The following ADGRV1 variants were observed in gnomAD, a reference collection of about 807,000 sequenced individuals.
ADGRV1 encodes the protein G-protein coupled receptor 98.
A neutral mutation model predicts 596.2 loss-of-function variants in ADGRV1; 359 were observed. The observed-to-expected ratio is 0.60, with a 90% CI of 0.55 to 0.66. The LOEUF is 0.66. Among genes scored for constraint, ADGRV1 ranks in the 30% least tolerant of loss-of-function variants. The probability of loss-of-function intolerance (pLI) is 0.00; values close to 1 mark genes in which losing one functional copy is unlikely to be tolerated. For missense variants in ADGRV1, 7,274 were observed against 7,575.6 expected (o/e 0.96, Z 1.48); for synonymous variants, 2,681 against 2,679.2 (o/e 1.00, Z -0.02).
chr5:90,750,419 G>C, intron 52 of ADGRV1, 132 bp from the exon 53 acceptor site: 1 of 612,298 alleles, frequency 1.6e-6, no homozygotes, highest in Non-Finnish European at 2.8e-6. Context: ...TTTTTTAATT[G>C]TCGTTTTCAC....
At chr5:90,682,165 A>T (rs1197018505) in intron 27 of ADGRV1, among the ~76,000 whole-genome samples, 1 of 152,252 alleles carries the variant, frequency 6.6e-6, no homozygotes, top group African/African-American at 2.4e-5. Context: ...CGTAGTATGT[A>T]TATGTCCAAC....
intron 85 of ADGRV1, among the ~76,000 whole-genome samples, chr5:91,057,858 G>A (rs528637598): frequency 2.0e-5 from 3 of 152,198 alleles, no homozygotes; most frequent in East Asian, 1.9e-4. Context: ...TTGATGTGTG[G>A]TGTCTTTGAA....
At chr5:90,566,936 A>G (rs1357042932) in intron 1 of ADGRV1, among the ~76,000 whole-genome samples, 2 of 152,110 alleles carry the variant, frequency 1.3e-5, no homozygotes, top group African/African-American at 4.8e-5. Context: ...ATTAAGTATG[A>G]TGTGGATACC....
chr5:90,923,899 C>G (rs1007589848), intron 83 of ADGRV1, among the ~76,000 whole-genome samples: 1 of 151,034 alleles, frequency 6.6e-6, no homozygotes, highest in African/African-American at 2.4e-5. Flanking sequence ...TTTGTTCTTG[C>G]GATAGTTTAC....
At chr5:90,767,227 G>T (rs1193727904) in intron 59 of ADGRV1, among the ~76,000 whole-genome samples, 1 of 152,144 alleles carries the variant, frequency 6.6e-6, no homozygotes, top group Non-Finnish European at 1.5e-5. Flanking sequence ...TGAACAAACA[G>T]GCCAGAGAGA....
chr5:90,710,967 C>CT lies in ADGRV1; in HGVS notation c.8825-13dup. On this transcript the variant is annotated splice_polypyrimidine_tract_variant and intron_variant, in intron 39 of 89. Coordinates refer to ENST00000405460, the MANE Select transcript of ADGRV1 (RefSeq NM_032119.4). The stretch of plus-strand genomic sequence containing the variant: ...TTTATATGTATTTTAAGATATGCTT[C>CT]TATGTTTTTTAAGATTCAGAAGGTT... 1.3e-6 allele frequency: 2 copies of CT among 1,521,304 alleles called. No individual in the cohort carries two copies. The highest frequency in any genetic ancestry group is 1.8e-6 in the Non-Finnish European group (2 of 1,100,924). The allele number at this position is 1,521,304 out of a possible 1,614,324, so 94.2% of individuals were successfully genotyped here.
intron 85 of ADGRV1, chr5:91,031,371 T>C (rs1437300682): frequency 1.7e-6 from 2 of 1,157,094 alleles, no homozygotes; most frequent in African/African-American, 3.0e-5. Flanking sequence ...TGACGGAAGT[T>C]CATCATTCTG....
intron 50 of ADGRV1, among the ~76,000 whole-genome samples, chr5:90,735,946 C>T (rs1482029257): frequency 1.3e-5 from 2 of 152,078 alleles, no homozygotes; most frequent in Admixed American, 1.3e-4. Flanking sequence ...TTCTTCCATT[C>T]CTATTTAGGT....
chr5:91,087,153 C>T (rs930059436), intron 86 of ADGRV1, among the ~76,000 whole-genome samples: 1 of 152,200 alleles, frequency 6.6e-6, no homozygotes, highest in Non-Finnish European at 1.5e-5. Context: ...TGATAATCAT[C>T]AATAGGAAGA....
At chr5:90,866,315 A>ATGTGTGTGTGTGTGTGTGTGTGTGTG (rs149341618) in intron 83 of ADGRV1, among the ~76,000 whole-genome samples, 2 of 138,216 alleles carry the variant, frequency 1.4e-5, no homozygotes, top group African/African-American at 5.2e-5. Flanking sequence ...GTATGTGTAT[A>ATGTGTGTGTGTGTGTGTGTGTGTGTG]TGTGTGTGTG....
chr5:91,051,631 C>T (rs1002794323), intron 85 of ADGRV1, among the ~76,000 whole-genome samples: 13 of 150,098 alleles, frequency 8.7e-5, no homozygotes, highest in African/African-American at 3.0e-4. Flanking sequence ...ACTGCAAGCA[C>T]CACCTGCCGG....
intron 83 of ADGRV1, among the ~76,000 whole-genome samples, chr5:90,916,806 G>C (rs1773418309): frequency 8.8e-6 from 1 of 113,096 alleles, no homozygotes; most frequent in Non-Finnish European, 1.9e-5. Context: ...CTAATTTTTT[G>C]TATTTTTAGT....
intron 83 of ADGRV1, among the ~76,000 whole-genome samples, chr5:90,912,466 A>G (rs1208210044): frequency 6.6e-6 from 1 of 152,190 alleles, no homozygotes; most frequent in Non-Finnish European, 1.5e-5. Flanking sequence ...GGTTTGGGAT[A>G]CAAATGATCT....
At chr5:90,820,894 T>C (rs1349133762) in intron 75 of ADGRV1, among the ~76,000 whole-genome samples, 10 of 152,124 alleles carry the variant, frequency 6.6e-5, no homozygotes, top group African/African-American at 2.2e-4. Flanking sequence ...GTTATGTGTC[T>C]TGGAGTTGCT....
intron 70 of ADGRV1, among the ~76,000 whole-genome samples, chr5:90,800,615 A>T (rs899254933): frequency 2.0e-5 from 3 of 152,240 alleles, no homozygotes; most frequent in Admixed American, 1.3e-4. Context: ...CTGTAAATAC[A>T]CATGCACACA....
At position 90,745,345 on chromosome 5, in the gene ADGRV1, G is replaced by A; in HGVS notation, c.10769+80G>A. ...CAGCTCATTTCCAAGTCATTATTTGGTGACTGAAAAATATACAAAATATAA... is the reference window on the plus strand; with the variant it reads ...CAGCTCATTTCCAAGTCATTATTTGATGACTGAAAAATATACAAAATATAA... On this transcript the variant is annotated intron_variant, in intron 51 of 89. Coordinates refer to ENST00000405460, the MANE Select transcript of ADGRV1 (RefSeq NM_032119.4). 5 of 924,922 alleles carry A rather than the reference G, an allele frequency of 5.4e-6. No homozygotes were observed. The East Asian group carries it at 1.2e-4, about 23-fold the overall frequency. 57.3% of individuals were successfully genotyped at this position (924,922 alleles called of 1,614,324 possible). A position where few individuals can be genotyped will look rare whatever the true frequency, so the allele number is the denominator to read the frequency against.
At chr5:90,614,207 T>C (rs781246770) in intron 1 of ADGRV1, 10 of 386,656 alleles carry the variant, frequency 2.6e-5, no homozygotes, top group South Asian at 1.2e-4. Context: ...AATATATACT[T>C]TGGCAAATTT....
At chr5:90,945,374 G>C (rs1366788141) in intron 83 of ADGRV1, among the ~76,000 whole-genome samples, 1 of 152,128 alleles carries the variant, frequency 6.6e-6, no homozygotes, top group Non-Finnish European at 1.5e-5. Flanking sequence ...AATCAAGTAA[G>C]CTGTGGTTCA....
intron 85 of ADGRV1, among the ~76,000 whole-genome samples, chr5:90,994,954 A>G (rs983036064): frequency 4.3e-4 from 65 of 152,202 alleles, no homozygotes; most frequent in African/African-American, 1.5e-3. Context: ...AACTGCCTTA[A>G]CCTTCACATT....
Sources: allele counts gnomAD v4.1 joint callset (sites outside exome capture counted in the v4.1 genomes callset), GRCh38; gene constraint gnomAD v4.1.1; transcripts MANE v1.5; gene names NCBI Gene and HGNC (gene_info 2026-07-23, HGNC 2026-07-21).